The following OR2V2 variants were observed in gnomAD, a reference collection of about 807,000 sequenced individuals.
OR2V2 encodes the protein olfactory receptor 2V2.
For synonymous variants in OR2V2, 161 were observed against 151.3 expected (o/e 1.06, Z -0.47); for missense variants, 392 against 392.2 (o/e 1.00, Z 0.00).
rs766225115 is a variant in OR2V2, at chr5:181,155,795, A to G, written c.853A>G (p.Met285Val). ...TATCTTCTACACGGTCCTTACTCCC[A>G]TGCTCAACCCCCTCATTTACAGCTT... Reference protein sequence around the residue: ...ASIFYTVLTPMLNPLIYSLRN... With the variant: ...ASIFYTVLTPVLNPLIYSLRN... The change falls in exon 2 of 2, where the codon ATG (methionine) becomes GTG (valine). Residue 285 changes from methionine to valine, a missense_variant. By Grantham distance (21) the Met-to-Val change is conservative (BLOSUM62 1). Coordinates refer to ENST00000641492, the MANE Select transcript of OR2V2 (RefSeq NM_206880.2). 2.5e-6 allele frequency: 4 copies of G among 1,614,166 alleles called. No homozygotes were observed. The highest frequency in any genetic ancestry group is 1.1e-5 in the South Asian group (1 of 91,084).
chr5:181,155,949 T>A lies in OR2V2; in HGVS notation c.*59T>A. On this transcript the variant is annotated 3_prime_UTR_variant, in exon 2 of 2. Transcript: ENST00000641492. Reference sequence around the variant, plus strand: ...CTTAGCTCCAGGGATGTCGGGTTAATAATTCTCTCATTTTCAGTCTTGGTT... The same window carrying A: ...CTTAGCTCCAGGGATGTCGGGTTAAAAATTCTCTCATTTTCAGTCTTGGTT... 6.9e-7 allele frequency: 1 copy of A among 1,458,566 alleles called. No individual in the cohort carries two copies. The highest frequency in any genetic ancestry group is 9.3e-7 in the Non-Finnish European group (1 of 1,074,670). The allele number at this position is 1,458,566 out of a possible 1,614,324, so 90.4% of individuals were successfully genotyped here.
intron 1 of OR2V2, among the ~76,000 whole-genome samples, chr5:181,154,589 C>CAAAA (rs57898232): frequency 8.7e-6 from 1 of 114,994 alleles, no homozygotes; most frequent in Non-Finnish European, 1.9e-5. Context: ...GACTCCATCT[C>CAAAA]AAAAAAAAAA....
At chr5:181,148,895 C>T (rs1264158988) in intron 1 of OR2V2, among the ~76,000 whole-genome samples, 4 of 152,288 alleles carry the variant, frequency 2.6e-5, no homozygotes, top group Admixed American at 6.5e-5. Flanking sequence ...GGGCAAGGAC[C>T]GAGGCCCTTG....
intron 1 of OR2V2, among the ~76,000 whole-genome samples, chr5:181,151,229 C>T (rs1763187503): frequency 6.6e-6 from 1 of 152,096 alleles, no homozygotes; most frequent in Non-Finnish European, 1.5e-5. Context: ...AATAAAAGGG[C>T]CTGGCAGATG....
At chr5:181,151,802 C>T (rs903270853) in intron 1 of OR2V2, among the ~76,000 whole-genome samples, 2 of 151,692 alleles carry the variant, frequency 1.3e-5, no homozygotes, top group Non-Finnish European at 2.9e-5. Flanking sequence ...TGATGCAAGG[C>T]GTTCAAAACC....
In OR2V2 at chr5:181,156,443, T is replaced by A. The variant is rs1296932558; in HGVS notation, c.*553T>A. 1 of 152,740 alleles carries A rather than the reference T, an allele frequency of 6.5e-6. No individual in the cohort carries two copies. Among genetic ancestry groups the A allele is most frequent in the Non-Finnish European group, 1.5e-5 (1 of 68,472 alleles). The allele number at this position is 152,740 out of a possible 1,614,324, so 9.5% of individuals were successfully genotyped here. A position where few individuals can be genotyped will look rare whatever the true frequency, so the allele number is the denominator to read the frequency against. On this transcript the variant is annotated 3_prime_UTR_variant, in exon 2 of 2. Coordinates refer to ENST00000641492, the MANE Select transcript of OR2V2 (RefSeq NM_206880.2). Reference sequence around the variant, plus strand: ...CTTTTTATCTGATGAAGAAACAACTTTTCCTCCCAATCTTTTGTGTACTAA... The same window carrying A: ...CTTTTTATCTGATGAAGAAACAACTATTCCTCCCAATCTTTTGTGTACTAA...
At chr5:181,148,721 G>C (rs563950778) in intron 1 of OR2V2, among the ~76,000 whole-genome samples, 2 of 152,250 alleles carry the variant, frequency 1.3e-5, no homozygotes, top group South Asian at 2.1e-4. Context: ...CATGGAGCCC[G>C]CCTCCTGGCT....
At position 181,155,116 on chromosome 5, in the gene OR2V2, C is replaced by T. The variant is rs1763241805; in HGVS notation, c.174C>T (p.Thr58=). 1 of 1,614,090 alleles carries T rather than the reference C, an allele frequency of 6.2e-7. No individual in the cohort carries two copies. Among genetic ancestry groups the T allele is most frequent in the Admixed American group, 1.7e-5 (1 of 60,000 alleles). ...TCTACATGGACCCTCACCTTCACACCCCCATGTACTTCTTCCTCAGCCAGC... is the reference window on the plus strand; with the variant it reads ...TCTACATGGACCCTCACCTTCACACTCCCATGTACTTCTTCCTCAGCCAGC... The part of the protein sequence containing the change: ...FLIYMDPHLH[T]PMYFFLSQLS... The change falls in exon 2 of 2, where the codon ACC becomes ACT. Residue 58 remains threonine, a synonymous_variant. Transcript: ENST00000641492.
chr5:181,158,336 T>TGA lies in OR2V2; in HGVS notation c.*2447_*2448insAG, dbSNP rs1300270279. 1 of 146,060 alleles carries TGA rather than the reference T, an allele frequency of 6.8e-6. No homozygotes were observed. The allele number at this position is 146,060 out of a possible 1,614,324, so 9.0% of individuals were successfully genotyped here. ...AAATAATATAGAGAGGAAATACATG[T>TGA]GGGGGGGGGGCAGGTGCGGTGGCTC... is the stretch of plus-strand genomic sequence containing the variant. On this transcript the variant is annotated 3_prime_UTR_variant, in exon 2 of 2. Transcript: ENST00000641492.
At chr5:181,148,767 G>A (rs77031725) in intron 1 of OR2V2, among the ~76,000 whole-genome samples, 2,509 of 152,326 alleles carry the variant, frequency 0.016, 66 homozygotes, top group African/African-American at 0.058. Flanking sequence ...GAAGGGGAGG[G>A]AGGAGGAAGG....
In OR2V2 at chr5:181,158,799, G is replaced by C. The variant is rs1413430851; in HGVS notation, c.*2909G>C. On this transcript the variant is annotated 3_prime_UTR_variant, in exon 2 of 2. Transcript: ENST00000641492. ...TAATTAACAGTTTAAAATGCTCAAG[G>C]CCAGTTTTTTTTTTGCCAACTACCT... 7.4e-6 allele frequency: 1 copy of C among 135,896 alleles called. No individual in the cohort carries two copies. The highest frequency in any genetic ancestry group is 2.4e-4 in the East Asian group (1 of 4,172). The allele number at this position is 135,896 out of a possible 1,614,324, so 8.4% of individuals were successfully genotyped here. A position where few individuals can be genotyped will look rare whatever the true frequency, so the allele number is the denominator to read the frequency against.
chr5:181,154,790 C>T (rs988682532), intron 1 of OR2V2, 129 bp from the exon 2 acceptor site: 3 of 643,884 alleles, frequency 4.7e-6, no homozygotes, highest in Non-Finnish European at 8.3e-6. Flanking sequence ...GGAGTGTCCC[C>T]TATTATGTCC....
At chr5:181,152,064 C>T (rs1465504360) in intron 1 of OR2V2, among the ~76,000 whole-genome samples, 4 of 151,912 alleles carry the variant, frequency 2.6e-5, no homozygotes, top group East Asian at 1.9e-4. Context: ...GCTCTAGTGA[C>T]AGGCAGCACA....
intron 1 of OR2V2, among the ~76,000 whole-genome samples, chr5:181,151,671 G>A (rs1308758906): frequency 1.3e-5 from 2 of 152,162 alleles, no homozygotes; most frequent in Admixed American, 6.5e-5. Flanking sequence ...TGAGGTGTCA[G>A]CAAGACACGC....
In OR2V2 at chr5:181,148,299, G is replaced by T. The variant is rs138247944; in HGVS notation, c.-25+304G>T. 1.6e-3 allele frequency among the ~76,000 whole-genome samples: 241 copies of T among 152,262 alleles called. 2 individuals are homozygous for T. The highest frequency in any genetic ancestry group is 2.9e-3 in the Non-Finnish European group (194 of 68,030). Reference sequence around the variant, plus strand: ...GGAGACTGGGCTCTAGGTCCCTGGGGTGGAGAGTGGTCCACCGCAGGAAGA... The same window carrying T: ...GGAGACTGGGCTCTAGGTCCCTGGGTTGGAGAGTGGTCCACCGCAGGAAGA... On this transcript the variant is annotated intron_variant, in intron 1 of 1. Transcript: ENST00000641492.
chr5:181,151,177 C>T (rs1454872547), intron 1 of OR2V2, among the ~76,000 whole-genome samples: 1 of 152,042 alleles, frequency 6.6e-6, no homozygotes, highest in African/African-American at 2.4e-5. Context: ...AGGAAAGGCC[C>T]TAAGGTCAGA....
Position 181,157,791 on chromosome 5 carries a change from CCTGATTAACCTCATGCCCACT to C in OR2V2, c.*1903_*1923del, listed in dbSNP as rs1763283628. ...AAATTCTTCTCTTCCAGGAAGCATC[CCTGATTAACCTCATGCCCACT>C]CAGATTTCTCTGGGATTTTGCACCC... On this transcript the variant is annotated 3_prime_UTR_variant, in exon 2 of 2. Transcript: ENST00000641492. The C allele has an allele frequency of 6.6e-6, 1 of 152,164 alleles. No individual in the cohort carries two copies. Among genetic ancestry groups the C allele is most frequent in the Non-Finnish European group, 1.5e-5 (1 of 68,040 alleles). The allele number at this position is 152,164 out of a possible 1,614,324, so 9.4% of individuals were successfully genotyped here.
chr5:181,151,128 G>C (rs571353059), intron 1 of OR2V2, among the ~76,000 whole-genome samples: 1 of 152,054 alleles, frequency 6.6e-6, no homozygotes, highest in African/African-American at 2.4e-5. Context: ...CTGAAGGAGG[G>C]TGTAGACAAG....
At chr5:181,151,705 T>C (rs1298704779) in intron 1 of OR2V2, among the ~76,000 whole-genome samples, 2 of 151,934 alleles carry the variant, frequency 1.3e-5, no homozygotes, top group African/African-American at 4.8e-5. Context: ...CTGTAGGAAA[T>C]TTGCAGTTGA....
Sources: gnomAD v4.1 joint callset for allele counts (sites outside exome capture counted in the v4.1 genomes callset) on GRCh38, gnomAD v4.1.1 for gene constraint, MANE v1.5 for transcripts, NCBI Gene and HGNC (gene_info 2026-07-23, HGNC 2026-07-21) for gene names.